TSPAN15: variants seen among roughly 807,000 people sequenced by gnomAD.
TSPAN15 encodes tetraspanin 15.
Under a neutral mutation model 34.5 loss-of-function variants are expected in TSPAN15, and 20 were observed. That is an observed-to-expected ratio of 0.58 (90% CI 0.41 to 0.84). TSPAN15 has a LOEUF of 0.84. Among genes scored for constraint, TSPAN15 ranks in the 40% least tolerant of loss-of-function variants. TSPAN15 has a pLI of 0.00. For synonymous variants in TSPAN15, 155 were observed against 153.9 expected (o/e 1.01, Z -0.05); for missense variants, 313 against 386.1 (o/e 0.81, Z 1.59).
At chr10:69,513,356 G>A in the TSPAN15 span, among the ~76,000 whole-genome samples, 1 of 152,136 alleles carries the variant, frequency 6.6e-6, no homozygotes, top group South Asian at 2.1e-4. Flanking sequence ...ATTTCAGTCT[G>A]TAGCTTGTCT....
chr10:69,485,030 C>T, intron 2 of TSPAN15, 111 bp from the exon 3 acceptor site: 1 of 1,057,676 alleles, frequency 9.5e-7, no homozygotes, highest in Non-Finnish European at 1.5e-6. Flanking sequence ...GTAGGAGCTC[C>T]CCGAGGGATG....
the TSPAN15 span, among the ~76,000 whole-genome samples, chr10:69,519,118 T>G: frequency 6.6e-6 from 1 of 152,220 alleles, no homozygotes; most frequent in Non-Finnish European, 1.5e-5. Flanking sequence ...AAAAGCTAGT[T>G]GCATAGTGAT....
chr10:69,496,028 C>T (rs1248178197), intron 4 of TSPAN15, among the ~76,000 whole-genome samples: 1 of 152,124 alleles, frequency 6.6e-6, no homozygotes, highest in Non-Finnish European at 1.5e-5. Flanking sequence ...GGGCACCACC[C>T]TCCAATGGGC....
chr10:69,524,138 T>C, the TSPAN15 span, among the ~76,000 whole-genome samples: 1 of 148,018 alleles, frequency 6.8e-6, no homozygotes, highest in Non-Finnish European at 1.5e-5. Flanking sequence ...TCAGTCCTGA[T>C]GGTTCAGTAT....
At chr10:69,534,016 A>G in the TSPAN15 span, among the ~76,000 whole-genome samples, 1 of 152,148 alleles carries the variant, frequency 6.6e-6, no homozygotes, top group Non-Finnish European at 1.5e-5. Context: ...TCCACACAAT[A>G]CTCTAGGAAA....
downstream of TSPAN15, among the ~76,000 whole-genome samples, chr10:69,510,648 T>A (rs1273689445): frequency 6.6e-6 from 1 of 152,258 alleles, no homozygotes; most frequent in African/African-American, 2.4e-5. Context: ...ATCCTTGTCT[T>A]GTGCTGGTTT....
At chr10:69,464,700 G>T (rs1443904388) in intron 1 of TSPAN15, among the ~76,000 whole-genome samples, 4 of 152,182 alleles carry the variant, frequency 2.6e-5, no homozygotes, top group Non-Finnish European at 5.9e-5. Flanking sequence ...CTTCCAGTGG[G>T]TTGAACTTTG....
chr10:69,474,716 C>T (rs1841579226), intron 1 of TSPAN15, among the ~76,000 whole-genome samples: 1 of 152,104 alleles, frequency 6.6e-6, no homozygotes, highest in South Asian at 2.1e-4. Flanking sequence ...TCCAGCCCAC[C>T]CCACCCAGCT....
chr10:69,494,965 G>A, intron 3 of TSPAN15: 1 of 744,080 alleles, frequency 1.3e-6, no homozygotes, highest in Non-Finnish European at 1.6e-6. Flanking sequence ...GTTCCTCCCG[G>A]CAGGGATTGT....
chr10:69,492,242 A>G (rs141714642), intron 3 of TSPAN15, among the ~76,000 whole-genome samples: 476 of 152,128 alleles, frequency 3.1e-3, no homozygotes, highest in Non-Finnish European at 4.9e-3. Context: ...CTGTCCTCTG[A>G]GTGGCTCCCC....
At chr10:69,472,333 A>C (rs1306911209) in intron 1 of TSPAN15, among the ~76,000 whole-genome samples, 3 of 152,162 alleles carry the variant, frequency 2.0e-5, no homozygotes, top group Non-Finnish European at 4.4e-5. Context: ...GACTCCGTTC[A>C]AACGTAACCT....
chr10:69,464,137 CT>C (rs1841330880), intron 1 of TSPAN15, among the ~76,000 whole-genome samples: 1 of 152,262 alleles, frequency 6.6e-6, no homozygotes, highest in Non-Finnish European at 1.5e-5. Flanking sequence ...GGCTTCTCCC[CT>C]AGAGCCTCCG....
the TSPAN15 span, among the ~76,000 whole-genome samples, chr10:69,533,980 G>A: frequency 6.6e-6 from 1 of 152,160 alleles, no homozygotes; most frequent in South Asian, 2.1e-4. Flanking sequence ...TGTGGCATGG[G>A]AGCAGAGGAA....
At chr10:69,473,630 A>G (rs1486860897) in intron 1 of TSPAN15, among the ~76,000 whole-genome samples, 1 of 152,162 alleles carries the variant, frequency 6.6e-6, no homozygotes, top group Non-Finnish European at 1.5e-5. Context: ...GCCAACTGGG[A>G]AACTGAGGCT....
At position 69,507,003 on chromosome 10, in the gene TSPAN15, A is replaced by G; in HGVS notation, c.*25A>G. 1.2e-6 allele frequency: 2 copies of G among 1,602,870 alleles called. No individual in the cohort carries two copies. Among genetic ancestry groups the G allele is most frequent in the Non-Finnish European group, 8.5e-7 (1 of 1,175,854 alleles). On this transcript the variant is annotated 3_prime_UTR_variant, in exon 8 of 8. Coordinates refer to ENST00000373290, the MANE Select transcript of TSPAN15 (RefSeq NM_012339.5). ...GGGCCCAGCCTGCCATGGCAGCTCC[A>G]ACAAGGACCGTCTGGGATAGCACCT...
At chr10:69,484,306 C>T (rs1223633108) in intron 2 of TSPAN15, among the ~76,000 whole-genome samples, 1 of 152,222 alleles carries the variant, frequency 6.6e-6, no homozygotes, top group Non-Finnish European at 1.5e-5. Context: ...GCAGTGGTCA[C>T]TGCCGGCGTC....
intron 1 of TSPAN15, among the ~76,000 whole-genome samples, chr10:69,478,903 C>G (rs1442737316): frequency 1.3e-5 from 2 of 152,230 alleles, no homozygotes; most frequent in South Asian, 4.1e-4. Context: ...GTGATTTCTA[C>G]TGGTGACAAA....
chr10:69,509,549 T>A (rs996790253), downstream of TSPAN15, among the ~76,000 whole-genome samples: 7 of 152,136 alleles, frequency 4.6e-5, no homozygotes, highest in African/African-American at 1.7e-4. Flanking sequence ...TTCACTCTGA[T>A]GGTAGTTTCT....
intron 4 of TSPAN15, among the ~76,000 whole-genome samples, chr10:69,497,900 C>T (rs1842120639): frequency 6.6e-6 from 1 of 152,178 alleles, no homozygotes; most frequent in Non-Finnish European, 1.5e-5. Flanking sequence ...GGGACTTTCA[C>T]AGAATCATGC....
Sources: allele counts gnomAD v4.1 joint callset (sites outside exome capture counted in the v4.1 genomes callset), GRCh38; gene constraint gnomAD v4.1.1; transcripts MANE v1.5; gene names NCBI Gene and HGNC (gene_info 2026-07-23, HGNC 2026-07-21).